NUP62CL: variants seen among roughly 807,000 people sequenced by gnomAD.
NUP62CL encodes the protein nucleoporin-62 C-terminal-like protein.
In NUP62CL, 13 loss-of-function variants were observed where a neutral mutation model predicts 15.3. That is an observed-to-expected ratio of 0.85 (90% CI 0.55 to 1.35). The LOEUF is 1.35. Ranked by LOEUF, NUP62CL falls within the 40% of genes most tolerant of loss-of-function variation. The pLI, the probability that NUP62CL is intolerant of heterozygous loss-of-function variation, is 0.00. For synonymous variants in NUP62CL, 54 were observed against 49.2 expected (o/e 1.10, Z -0.41); for missense variants, 123 against 130.6 (o/e 0.94, Z 0.28).
intron 8 of NUP62CL, among the ~76,000 whole-genome samples, chrX:107,140,276 T>A (rs1463884155): frequency 6.3e-5 from 7 of 111,978 alleles, no homozygotes; most frequent in African/African-American, 2.3e-4. Flanking sequence ...TCAAGTCTCA[T>A]TTCAAATTCT....
chrX:107,152,151 G>T (rs2343176), intron 7 of NUP62CL, among the ~76,000 whole-genome samples: 15 of 42,835 alleles, frequency 3.5e-4, no homozygotes, highest in African/African-American at 7.5e-4. Flanking sequence ...TATATATTCA[G>T]ATATATATAT....
chrX:107,205,995 C>G (rs927542108), intron 1 of NUP62CL, among the ~76,000 whole-genome samples: 1 of 110,388 alleles, frequency 9.1e-6, no homozygotes, highest in Non-Finnish European at 1.9e-5. Flanking sequence ...AAGCGCGATC[C>G]CACCTGCACA....
chrX:107,137,001 T>A (rs1006599213), intron 8 of NUP62CL, among the ~76,000 whole-genome samples: 1 of 111,924 alleles, frequency 8.9e-6, no homozygotes, highest in African/African-American at 3.2e-5. Context: ...GAGGCGGATG[T>A]TGCAGTGAGC....
intron 4 of NUP62CL, among the ~76,000 whole-genome samples, chrX:107,156,119 G>A (rs377546379): frequency 9.0e-6 from 1 of 111,359 alleles, no homozygotes; most frequent in Non-Finnish European, 1.9e-5. Flanking sequence ...CACCTGGCTC[G>A]GAGGGTCCTA....
At chrX:107,149,484 A>C (rs1028772289) in intron 7 of NUP62CL, among the ~76,000 whole-genome samples, 2 of 112,080 alleles carry the variant, frequency 1.8e-5, no homozygotes, top group Non-Finnish European at 3.8e-5. Context: ...ACAGAATGGC[A>C]TAATTTTTAT....
intron 1 of NUP62CL, among the ~76,000 whole-genome samples, chrX:107,193,326 C>G (rs1927287682): frequency 8.9e-6 from 1 of 111,868 alleles, no homozygotes; most frequent in Non-Finnish European, 1.9e-5. Context: ...TTGATTAGCC[C>G]AAGATGATAC....
At chrX:107,165,999 G>C (rs969901954) in intron 4 of NUP62CL, among the ~76,000 whole-genome samples, 1 of 111,182 alleles carries the variant, frequency 9.0e-6, no homozygotes, top group Admixed American at 9.6e-5. Flanking sequence ...CTAGGGCTAA[G>C]AAAAGATTTC....
At chrX:107,137,361 C>G (rs1003079627) in intron 8 of NUP62CL, among the ~76,000 whole-genome samples, 1 of 111,703 alleles carries the variant, frequency 9.0e-6, no homozygotes, top group African/African-American at 3.3e-5. Context: ...ATCACTACTA[C>G]TCAACATAGT....
At chrX:107,171,675 G>A (rs1354302056) in intron 3 of NUP62CL, among the ~76,000 whole-genome samples, 1 of 111,378 alleles carries the variant, frequency 9.0e-6, no homozygotes, top group African/African-American at 3.3e-5. Flanking sequence ...GGGAATTATG[G>A]GAGGTACAAT....
chrX:107,178,030 A>G (rs759742696), intron 2 of NUP62CL, among the ~76,000 whole-genome samples: 71 of 112,208 alleles, frequency 6.3e-4, no homozygotes, highest in African/African-American at 2.0e-3. Flanking sequence ...CATAAAAGGA[A>G]AAGTACCACG....
At chrX:107,139,469 C>T (rs921797344) in intron 8 of NUP62CL, among the ~76,000 whole-genome samples, 1 of 111,768 alleles carries the variant, frequency 8.9e-6, no homozygotes, top group Non-Finnish European at 1.9e-5. Flanking sequence ...TCTACAACTA[C>T]CTCAATAGAA....
intron 8 of NUP62CL, among the ~76,000 whole-genome samples, chrX:107,134,605 G>A (rs764766459): frequency 1.3e-3 from 142 of 110,375 alleles, no homozygotes; most frequent in African/African-American, 4.1e-3. Flanking sequence ...AGGCGTGTGC[G>A]ACCATGCCCA....
At chrX:107,179,684 T>G (rs1926869573) in intron 2 of NUP62CL, among the ~76,000 whole-genome samples, 1 of 112,217 alleles carries the variant, frequency 8.9e-6, no homozygotes, top group Non-Finnish European at 1.9e-5. Context: ...AATAAACATG[T>G]AAGTGCAAGT....
chrX:107,177,673 A>G (rs1175045974), intron 2 of NUP62CL, among the ~76,000 whole-genome samples: 2 of 111,568 alleles, frequency 1.8e-5, no homozygotes, highest in Non-Finnish European at 1.9e-5. Flanking sequence ...TCAAAGCCAC[A>G]ATGAGATACT....
intron 1 of NUP62CL, among the ~76,000 whole-genome samples, chrX:107,196,630 T>C (rs1927366977): frequency 9.0e-6 from 1 of 111,530 alleles, no homozygotes. Context: ...TTTGTATTTT[T>C]ATAGAGATGG....
intron 1 of NUP62CL, among the ~76,000 whole-genome samples, chrX:107,198,431 C>T (rs1927405413): frequency 8.9e-6 from 1 of 111,811 alleles, no homozygotes; most frequent in Admixed American, 9.5e-5. Context: ...GCTGTGGAAG[C>T]TTTGTTCTTT....
In NUP62CL at chrX:107,185,029, T is replaced by C. The variant is rs141953018; in HGVS notation, c.-48+8000A>G. The stretch of plus-strand genomic sequence containing the variant: ...GAGAGGAAATCAAGGCATTGAGAGA[T>C]GATGGAAAGCTCAGAAAATCTGTTG... On this transcript the variant is annotated intron_variant, in intron 2 of 8. Coordinates refer to ENST00000372466, the MANE Select transcript of NUP62CL (RefSeq NM_017681.3). Among the ~76,000 whole-genome samples the C allele has an allele frequency of 4.7e-3, 513 of 108,955 alleles. 4 individuals are homozygous for C. The highest frequency in any genetic ancestry group is 0.016 in the African/African-American group (477 of 29,876). The allele number at this position is 108,955 out of a possible 115,157, so 94.6% of individuals were successfully genotyped here.
Position 107,170,862 on chromosome X carries a change from T to C in NUP62CL, c.59-3078A>G, listed in dbSNP as rs189378476. Among the ~76,000 whole-genome samples the C allele has an allele frequency of 5.3e-5, 6 of 112,647 alleles. No individual in the cohort carries two copies. The East Asian group carries it at 1.7e-3, about 31-fold the overall frequency. On this transcript the variant is annotated intron_variant, in intron 3 of 8. Coordinates refer to ENST00000372466, the MANE Select transcript of NUP62CL (RefSeq NM_017681.3). ...TCTATCACAGTCTGATTTTGCAAAT[T>C]ACAACTTTGGTCTTAACCAGTTAAT...
At chrX:107,173,709 A>C (rs2147808543) in intron 3 of NUP62CL, among the ~76,000 whole-genome samples, 1 of 112,005 alleles carries the variant, frequency 8.9e-6, no homozygotes, top group East Asian at 2.8e-4. Context: ...AAGTGGTAGA[A>C]AACATAATTC....
Sources: allele counts gnomAD v4.1 joint callset (sites outside exome capture counted in the v4.1 genomes callset), GRCh38; gene constraint gnomAD v4.1.1; transcripts MANE v1.5; gene names NCBI Gene and HGNC (gene_info 2026-07-23, HGNC 2026-07-21).